CNOT10: variants seen among roughly 807,000 people sequenced by gnomAD.
CNOT10 encodes CCR4-NOT transcription complex subunit 10.
A neutral mutation model predicts 94.6 loss-of-function variants in CNOT10; 30 were observed. The ratio of observed to expected loss-of-function variants is 0.32; its 90% CI spans 0.24 to 0.43. The LOEUF is 0.43. CNOT10 is among the 20% of genes least tolerant of loss of function. The probability of loss-of-function intolerance (pLI) is 1.00; values close to 1 mark genes in which losing one functional copy is unlikely to be tolerated. For synonymous variants in CNOT10, 289 were observed against 301.6 expected, an observed-to-expected ratio of 0.96 and a Z score of 0.43; for missense variants, 759 against 877.2, an observed-to-expected ratio of 0.87 and a Z score of 1.70.
In CNOT10 at chr3:32,741,950, T is replaced by C. The variant is rs368544719; in HGVS notation, c.1595+4460T>C. Among the ~76,000 whole-genome samples the C allele has an allele frequency of 2.6e-5, 4 of 151,842 alleles. No individual in the cohort carries two copies. The East Asian group carries it at 7.7e-4, about 29-fold the overall frequency. ...TACTTGTTTTGATATTTGTGTGTGT[T>C]GTAGGTTTTTATTTTATTTTTTATT... On this transcript the variant is annotated intron_variant, in intron 13 of 18. Transcript: ENST00000328834.
At chr3:32,713,509 A>G (rs1038168631) in intron 5 of CNOT10, 140 bp downstream of exon 5, 120 of 646,010 alleles carry the variant, frequency 1.9e-4, no homozygotes, top group Admixed American at 3.8e-5. Flanking sequence ...TAAAGATACA[A>G]TTTTCATATT....
At chr3:32,737,366 T>G in intron 12 of CNOT10, 44 bp from the exon 13 acceptor site, 2 of 1,357,442 alleles carry the variant, frequency 1.5e-6, no homozygotes, top group Non-Finnish European at 2.1e-6. Flanking sequence ...GTTTAATTAT[T>G]TATTTGTTGC....
intron 13 of CNOT10, among the ~76,000 whole-genome samples, chr3:32,739,894 C>T (rs1402919437): frequency 6.6e-6 from 1 of 152,064 alleles, no homozygotes; most frequent in East Asian, 1.9e-4. Flanking sequence ...CGTTGCACTC[C>T]AGCCTGGGCA....
intron 13 of CNOT10, among the ~76,000 whole-genome samples, chr3:32,741,808 CTT>C (rs1290933675): frequency 2.0e-5 from 3 of 150,398 alleles, no homozygotes; most frequent in Non-Finnish European, 3.0e-5. Flanking sequence ...CTGCCAAACT[CTT>C]TTAACAGAGT....
intron 1 of CNOT10, among the ~76,000 whole-genome samples, chr3:32,687,387 T>A (rs1696647653): frequency 6.6e-6 from 1 of 150,810 alleles, no homozygotes; most frequent in African/African-American, 2.4e-5. Context: ...CAAGTCATCA[T>A]TCTTTTTATT....
chr3:32,747,180 C>T (rs566109266), intron 13 of CNOT10, among the ~76,000 whole-genome samples: 25 of 152,096 alleles, frequency 1.6e-4, no homozygotes, highest in African/African-American at 6.0e-4. Context: ...CTTTGGGAGG[C>T]CAAGGCAGGT....
At chr3:32,710,052 C>T (rs1254684741) in intron 4 of CNOT10, among the ~76,000 whole-genome samples, 3 of 146,760 alleles carry the variant, frequency 2.0e-5, no homozygotes, top group East Asian at 2.0e-4. Flanking sequence ...AAGGCTGAGA[C>T]AGGAGGATCA....
At chr3:32,725,681 C>A in intron 9 of CNOT10, 82 bp downstream of exon 9, 1 of 1,298,758 alleles carries the variant, frequency 7.7e-7, no homozygotes. Context: ...GTTAAAATAC[C>A]CACCATGTAG....
intron 13 of CNOT10, among the ~76,000 whole-genome samples, chr3:32,748,416 T>C (rs1699804718): frequency 6.6e-6 from 1 of 152,234 alleles, no homozygotes; most frequent in Non-Finnish European, 1.5e-5. Flanking sequence ...TTGATTTAGA[T>C]GTGAATGTTT....
At chr3:32,738,502 T>A (rs1162430409) in intron 13 of CNOT10, among the ~76,000 whole-genome samples, 1 of 150,754 alleles carries the variant, frequency 6.6e-6, no homozygotes, top group African/African-American at 2.4e-5. Flanking sequence ...TCGCTCTGTC[T>A]CCCAGGCTGG....
At chr3:32,712,015 A>G (rs1023006557) in intron 4 of CNOT10, among the ~76,000 whole-genome samples, 3 of 151,350 alleles carry the variant, frequency 2.0e-5, no homozygotes, top group East Asian at 3.9e-4. Context: ...TTTGAAAGGA[A>G]AGATAGTTTT....
chr3:32,740,227 G>T (rs986474070), intron 13 of CNOT10, among the ~76,000 whole-genome samples: 1 of 152,072 alleles, frequency 6.6e-6, no homozygotes, highest in Non-Finnish European at 1.5e-5. Context: ...TTGGGAGGCC[G>T]AGGTGGGCGG....
intron 2 of CNOT10, 116 bp from the exon 3 acceptor site, chr3:32,704,695 A>G (rs1164986779): frequency 9.4e-6 from 11 of 1,174,628 alleles, no homozygotes; most frequent in South Asian, 1.6e-5. Flanking sequence ...GGGAAACTAC[A>G]TCTTTCTTTT....
At chr3:32,768,971 C>T (rs1424141379) in intron 17 of CNOT10, 1 of 152,252 alleles carries the variant, frequency 6.6e-6, no homozygotes, top group Non-Finnish European at 1.5e-5. Flanking sequence ...AAAGAAACTT[C>T]TTCCTTTCTC....
At chr3:32,709,071 TG>T (rs957286992) in intron 4 of CNOT10, among the ~76,000 whole-genome samples, 14 of 152,338 alleles carry the variant, frequency 9.2e-5, no homozygotes, top group African/African-American at 3.4e-4. Flanking sequence ...GTGATGTTTG[TG>T]GGGTTTTTGC....
intron 13 of CNOT10, among the ~76,000 whole-genome samples, chr3:32,748,984 G>C (rs368784150): frequency 5.9e-5 from 9 of 151,988 alleles, no homozygotes; most frequent in African/African-American, 2.2e-4. Flanking sequence ...ACCACACCCA[G>C]CTAATTTTTG....
intron 13 of CNOT10, among the ~76,000 whole-genome samples, chr3:32,757,170 AT>A (rs1173513009): frequency 1.1e-3 from 86 of 78,264 alleles, no homozygotes; most frequent in African/African-American, 4.2e-3. Flanking sequence ...CCCTGAACTA[AT>A]TTTTTTTTTT....
intron 1 of CNOT10, among the ~76,000 whole-genome samples, chr3:32,686,965 A>G (rs959574733): frequency 2.7e-5 from 4 of 149,954 alleles, no homozygotes; most frequent in South Asian, 4.3e-4. Context: ...AGACAGGCAT[A>G]TCCTAGCTGC....
At chr3:32,704,190 A>G (rs1697504703) in intron 2 of CNOT10, among the ~76,000 whole-genome samples, 1 of 152,210 alleles carries the variant, frequency 6.6e-6, no homozygotes, top group Admixed American at 6.5e-5. Context: ...GTTTTAACTC[A>G]TATACTGTTG....
Sources: gnomAD v4.1 joint callset for allele counts (sites outside exome capture counted in the v4.1 genomes callset) on GRCh38, gnomAD v4.1.1 for gene constraint, MANE v1.5 for transcripts, NCBI Gene and HGNC (gene_info 2026-07-23, HGNC 2026-07-21) for gene names.